Variants in MGMT observed in about 807,000 individuals in gnomAD.
MGMT encodes O-6-methylguanine-DNA methyltransferase.
In MGMT, 14 loss-of-function variants were observed where a neutral mutation model predicts 15.9. The observed-to-expected ratio is 0.88, with a 90% confidence interval of 0.58 to 1.37. MGMT has a LOEUF of 1.37. MGMT is among the 40% of genes most tolerant of loss of function. MGMT has a pLI of 0.00. For synonymous variants in MGMT, 130 were observed against 118.2 expected (o/e 1.10, Z -0.65); for missense variants, 282 against 268.1 (o/e 1.05, Z -0.36).
chr10:129,671,524 A>C (rs1320979065), intron 2 of MGMT, among the ~76,000 whole-genome samples: 1 of 152,166 alleles, frequency 6.6e-6, no homozygotes, highest in Non-Finnish European at 1.5e-5. Context: ...GTAGCAGTCA[A>C]GTGGGAGCAA....
chr10:129,544,606 G>A (rs1399992083), intron 2 of MGMT, among the ~76,000 whole-genome samples: 1 of 152,214 alleles, frequency 6.6e-6, no homozygotes, highest in Non-Finnish European at 1.5e-5. Context: ...ACCCTGTTGC[G>A]TGGGTGGGCC....
At chr10:129,632,513 T>C (rs1448939751) in intron 2 of MGMT, among the ~76,000 whole-genome samples, 1 of 152,248 alleles carries the variant, frequency 6.6e-6, no homozygotes, top group Non-Finnish European at 1.5e-5. Context: ...ATCACCCTGA[T>C]TGAAGACCAA....
At chr10:129,481,846 G>A (rs1337327844) in intron 1 of MGMT, among the ~76,000 whole-genome samples, 1 of 152,016 alleles carries the variant, frequency 6.6e-6, no homozygotes, top group Non-Finnish European at 1.5e-5. Context: ...AACTGGTCTG[G>A]CTAGAGGTTT....
At chr10:129,557,464 T>A (rs1846227197) in intron 2 of MGMT, among the ~76,000 whole-genome samples, 1 of 152,232 alleles carries the variant, frequency 6.6e-6, no homozygotes. Context: ...TGTTGCTGCA[T>A]ATATTTCTTC....
At chr10:129,748,066 C>G (rs138174419) in intron 3 of MGMT, among the ~76,000 whole-genome samples, 3 of 152,090 alleles carry the variant, frequency 2.0e-5, no homozygotes, top group African/African-American at 7.2e-5. Flanking sequence ...GATAAAGTTA[C>G]CTTCCCCCAT....
intron 2 of MGMT, among the ~76,000 whole-genome samples, chr10:129,658,992 T>C (rs754135656): frequency 1.3e-4 from 20 of 152,154 alleles, no homozygotes; most frequent in Non-Finnish European, 2.5e-4. Context: ...CTTAATACAC[T>C]AGCTTTGGAT....
intron 3 of MGMT, chr10:129,717,957 GCTGGCCTTGGTGATTTTGGAAATGGAAT>G (rs1490473920): frequency 6.6e-6 from 1 of 152,228 alleles, no homozygotes; most frequent in African/African-American, 2.4e-5. Flanking sequence ...GGTCTGCGGG[GCTGGCCTTGGTGATTTTGGAAATGGAAT>G]CTGGCCTTGC....
intron 2 of MGMT, among the ~76,000 whole-genome samples, chr10:129,686,342 C>A (rs1480766822): frequency 6.6e-6 from 1 of 151,852 alleles, no homozygotes; most frequent in African/African-American, 2.4e-5. Context: ...ATAAATAAGA[C>A]CAGAGGCCTT....
intron 2 of MGMT, among the ~76,000 whole-genome samples, chr10:129,610,774 T>C (rs773840322): frequency 6.6e-6 from 1 of 152,228 alleles, no homozygotes; most frequent in African/African-American, 2.4e-5. Context: ...TAGGCAAAAG[T>C]TTGCAAAGCC....
chr10:129,738,404 T>G (rs987506010), intron 3 of MGMT, among the ~76,000 whole-genome samples: 1 of 152,244 alleles, frequency 6.6e-6, no homozygotes, highest in African/African-American at 2.4e-5. Flanking sequence ...TGCCTCGCCC[T>G]GCTTTGGCTC....
In MGMT at chr10:129,685,117, G is replaced by C. The variant is rs150005309; in HGVS notation, c.126-22778G>C. Among the ~76,000 whole-genome samples the C allele has an allele frequency of 1.2e-4, 18 of 152,344 alleles. No homozygotes were observed. The East Asian group carries it at 3.1e-3, about 26-fold the overall frequency. ...GAGATTGAGCCAATGTCGTTGGTCA[G>C]CTTAATTGGAAGCAGGTGATTGAAA... On this transcript the variant is annotated intron_variant, in intron 2 of 4. Transcript: ENST00000651593.
At chr10:129,745,079 T>C (rs924932352) in intron 3 of MGMT, among the ~76,000 whole-genome samples, 1 of 152,052 alleles carries the variant, frequency 6.6e-6, no homozygotes, top group African/African-American at 2.4e-5. Context: ...TGGCAGGTGG[T>C]GGGGCCTCGT....
intron 2 of MGMT, chr10:129,700,023 G>T (rs201238082): frequency 6.6e-6 from 1 of 151,988 alleles, no homozygotes; most frequent in South Asian, 2.1e-4. Context: ...TTGATGTTTT[G>T]TGCGTGTTTA....
intron 3 of MGMT, among the ~76,000 whole-genome samples, chr10:129,749,294 G>A (rs981322190): frequency 2.6e-5 from 4 of 151,900 alleles, no homozygotes; most frequent in African/African-American, 9.7e-5. Context: ...TCAGTCCCCC[G>A]CTCCTTCTGA....
chr10:129,749,325 A>T (rs1389987057), intron 3 of MGMT, among the ~76,000 whole-genome samples: 1 of 152,150 alleles, frequency 6.6e-6, no homozygotes, highest in Admixed American at 6.6e-5. Flanking sequence ...GCAACCACTT[A>T]TCTTTTTTCT....
intron 2 of MGMT, among the ~76,000 whole-genome samples, chr10:129,696,721 C>T (rs553933044): frequency 3.9e-5 from 6 of 152,310 alleles, no homozygotes; most frequent in Admixed American, 2.0e-4. Context: ...GGGTCGGAGC[C>T]GAGGGCTGGA....
At chr10:129,498,373 C>T (rs1048997843) in intron 1 of MGMT, among the ~76,000 whole-genome samples, 2 of 152,174 alleles carry the variant, frequency 1.3e-5, no homozygotes, top group Non-Finnish European at 2.9e-5. Context: ...TCTTAGTGAC[C>T]GTGGGTGTGT....
In MGMT at chr10:129,590,460, G is replaced by A. The variant is rs77869159; in HGVS notation, c.125+54083G>A. ...TAAAGAGACTGGATACAATGTGAGC[G>A]AATTTCTCTCTATATTTTGTGAATC... On this transcript the variant is annotated intron_variant, in intron 2 of 4. Transcript: ENST00000651593. Among the ~76,000 whole-genome samples, 339 of 152,258 alleles carry A rather than the reference G, an allele frequency of 2.2e-3. 2 individuals carry two copies. The highest frequency in any genetic ancestry group is 7.7e-3 in the African/African-American group (319 of 41,540).
intron 2 of MGMT, among the ~76,000 whole-genome samples, chr10:129,560,982 T>TGC (rs201278141): frequency 2.5e-4 from 21 of 83,912 alleles, no homozygotes; most frequent in East Asian, 4.8e-4. Flanking sequence ...TGTGTGTGTG[T>TGC]GTGTGTGTGT....
Sources: allele counts gnomAD v4.1 joint callset (sites outside exome capture counted in the v4.1 genomes callset), GRCh38; gene constraint gnomAD v4.1.1; transcripts MANE v1.5; gene names NCBI Gene and HGNC (gene_info 2026-07-23, HGNC 2026-07-21).